RNF213: variants seen among roughly 807,000 people sequenced by gnomAD.
RNF213 encodes E3 ubiquitin-protein ligase RNF213.
Under a neutral mutation model 514.4 loss-of-function variants are expected in RNF213, and 341 were observed. The observed-to-expected ratio is 0.66, with a 90% CI of 0.61 to 0.73. The LOEUF is 0.73. Among genes scored for constraint, RNF213 ranks in the 30% least tolerant of loss-of-function variants. The pLI is 0.00. For synonymous variants in RNF213, 2,655 were observed against 2,658.2 expected (o/e 1.00, Z 0.04); for missense variants, 5,767 against 6,615.6 (o/e 0.87, Z 4.45).
rs186350190 is a variant in RNF213, at chr17:80,389,036, G to A, written c.15001-137G>A. 4.7e-3 allele frequency: 3,695 copies of A among 787,754 alleles called. 44 individuals are homozygous for A. Among genetic ancestry groups the A allele is most frequent in the Non-Finnish European group, 5.4e-3 (2,488 of 464,546 alleles). The allele number at this position is 787,754 out of a possible 1,614,324, so 48.8% of individuals were successfully genotyped here. ...CCTCCAGGAACTGCCTGCACACCGT[G>A]CGCCCAAGTGTCAGCTGTTAGAGAG... On this transcript the variant is annotated intron_variant, in intron 64 of 67. Coordinates refer to ENST00000582970, the MANE Select transcript of RNF213 (RefSeq NM_001256071.3).
At position 80,319,319 on chromosome 17, in the gene RNF213, A is replaced by C; in HGVS notation, c.3024+7A>C. On this transcript the variant is annotated splice_region_variant and intron_variant, in intron 17 of 67. Coordinates refer to ENST00000582970, the MANE Select transcript of RNF213 (RefSeq NM_001256071.3). Reference sequence around the variant, plus strand: ...CGTGAGCTCAGCCTGCCAGGTGAACAATCTCTCCTCCTGGGAAACGGATTC... The same window carrying C: ...CGTGAGCTCAGCCTGCCAGGTGAACCATCTCTCCTCCTGGGAAACGGATTC... 1.9e-6 allele frequency: 3 copies of C among 1,614,182 alleles called. No individual in the cohort carries two copies. The highest frequency in any genetic ancestry group is 2.5e-6 in the Non-Finnish European group (3 of 1,180,030).
At chr17:80,334,359 CT>C in intron 22 of RNF213, 89 bp downstream of exon 22, 1 of 1,372,768 alleles carries the variant, frequency 7.3e-7, no homozygotes, top group Non-Finnish European at 9.7e-7. Flanking sequence ...TTGGCAATAC[CT>C]CCCCTTGGCC....
chr17:80,383,129 C>A, intron 58 of RNF213, 59 bp downstream of exon 58: 4 of 1,223,842 alleles, frequency 3.3e-6, no homozygotes, highest in Non-Finnish European at 4.8e-6. Context: ...AGGGTCCCGG[C>A]GTCTGCTGAA....
At position 80,339,795 on chromosome 17, in the gene RNF213, G is replaced by C; in HGVS notation, c.5428G>C (p.Ala1810Pro). 1 of 1,534,734 alleles carries C rather than the reference G, an allele frequency of 6.5e-7. No individual in the cohort carries two copies. The highest frequency in any genetic ancestry group is 8.7e-7 in the Non-Finnish European group (1 of 1,144,952). ...ETLGHCLAHL[A>P]GMGGSPVERC... ...CCTTGGCCACTGTCTGGCTCACCTG[G>C]CAGGGATGGGTGGGTCTCCCGTGGA... Residue 1810 changes from alanine to proline, a missense_variant, in exon 26 of 68, where the codon GCA (alanine) becomes CCA (proline). Around this residue, in one of 13 missense-constraint regions of RNF213, gnomAD observed 1,377 missense variants for 1,635.2 expected, o/e 0.84. Coordinates refer to ENST00000582970, the MANE Select transcript of RNF213 (RefSeq NM_001256071.3).
At position 80,319,796 on chromosome 17, in the gene RNF213, A is replaced by G. The variant is rs530514700; in HGVS notation, c.3024+484A>G. 2.6e-4 allele frequency: 324 copies of G among 1,231,332 alleles called. 4 individuals are homozygous for G. In the South Asian group the frequency reaches 4.9e-3, roughly 19 times the overall value. The allele number at this position is 1,231,332 out of a possible 1,614,324, so 76.3% of individuals were successfully genotyped here. On this transcript the variant is annotated intron_variant, in intron 17 of 67. Transcript: ENST00000582970. ...GATTGTGCCCCCCTGTCTCCCAGGAACAGTCTCGCAGGCAATGCCACATGA... is the reference window on the plus strand; with the variant it reads ...GATTGTGCCCCCCTGTCTCCCAGGAGCAGTCTCGCAGGCAATGCCACATGA...
chr17:80,281,549 AC>A (rs1174581132), intron 3 of RNF213, among the ~76,000 whole-genome samples: 1 of 33,476 alleles, frequency 3.0e-5, no homozygotes, highest in Non-Finnish European at 6.3e-5. Flanking sequence ...CCACTCACAC[AC>A]CCCCCAAGAC....
In RNF213 at chr17:80,336,293, C is replaced by G; in HGVS notation, c.4442C>G (p.Pro1481Arg). The change falls in exon 23 of 68, where the codon CCC (proline) becomes CGC (arginine). Residue 1481 changes from proline to arginine, a missense_variant. Pro to Arg is a moderately radical substitution (Grantham distance 103). Coordinates refer to ENST00000582970, the MANE Select transcript of RNF213 (RefSeq NM_001256071.3). Reference protein sequence around the residue: ...GYASLLFKLDPSVDFSAFMKH... With the variant: ...GYASLLFKLDRSVDFSAFMKH... Reference sequence around the variant, plus strand: ...GCATCCCTGCTATTTAAGCTGGACCCCAGCGTGGACTTCAGTGCATTCATG... The same window carrying G: ...GCATCCCTGCTATTTAAGCTGGACCGCAGCGTGGACTTCAGTGCATTCATG... 6.5e-7 allele frequency: 1 copy of G among 1,537,204 alleles called. No homozygotes were observed. The highest frequency in any genetic ancestry group is 1.2e-5 in the South Asian group (1 of 84,056).
intron 55 of RNF213, among the ~76,000 whole-genome samples, chr17:80,380,170 T>C (rs1026361099): frequency 6.6e-6 from 1 of 152,220 alleles, no homozygotes; most frequent in Admixed American, 6.5e-5. Context: ...CATAGTCTTA[T>C]GAAATACCAG....
intron 26 of RNF213, chr17:80,340,956 C>T (rs1456031056): frequency 6.5e-6 from 1 of 152,996 alleles, no homozygotes; most frequent in Non-Finnish European, 1.5e-5. Context: ...AGGCATGCAC[C>T]AGTACACCCA....
intron 2 of RNF213, 151 bp from the exon 3 acceptor site, chr17:80,273,090 C>T (rs2043879916): frequency 4.9e-6 from 5 of 1,012,686 alleles, no homozygotes; most frequent in Non-Finnish European, 7.6e-6. Flanking sequence ...GAGCAGAACC[C>T]CTACCCTGCT....
chr17:80,376,435 TG>T lies in RNF213; in HGVS notation c.13322del (p.Gly4441GlufsTer3). 1 of 1,614,232 alleles carries T rather than the reference TG, an allele frequency of 6.2e-7. No individual in the cohort carries two copies. The highest frequency in any genetic ancestry group is 8.5e-7 in the Non-Finnish European group (1 of 1,180,044). ...CGGGGCCTAGTGACAGCAACCTTGA[TG>T]GAACGGTGACAGAAATGGCCATTCA... ...RAGPSDSNLD[G>X]TVTEMAIHAA... On this transcript the variant is annotated frameshift_variant, in exon 52 of 68. Coordinates refer to ENST00000582970, the MANE Select transcript of RNF213 (RefSeq NM_001256071.3). LOFTEE classifies it high-confidence loss of function.
intron 13 of RNF213, among the ~76,000 whole-genome samples, chr17:80,307,854 G>GTTTTTTTTTTTTTTT (rs59352873): frequency 7.7e-6 from 1 of 130,716 alleles, no homozygotes; most frequent in Non-Finnish European, 1.7e-5. Flanking sequence ...CTGGCCGTCT[G>GTTTTTTTTTTTTTTT]TTTTTTTTTT....
chr17:80,378,315 G>A (rs2079845235), intron 54 of RNF213, among the ~76,000 whole-genome samples: 1 of 152,200 alleles, frequency 6.6e-6, no homozygotes, highest in South Asian at 2.1e-4. Context: ...CCACGTGTAG[G>A]CTGTGCGCCA....
In RNF213 at chr17:80,373,119, G is replaced by A; in HGVS notation, c.12896G>A (p.Gly4299Asp). Residue 4299 changes from glycine (G) to aspartate (D), a missense_variant, in exon 49 of 68, where the codon GGC becomes GAC. Physicochemically the swap from Gly to Asp is moderately conservative, Grantham distance 94. Around this residue, in one of 13 missense-constraint regions of RNF213, gnomAD observed 1,245 missense variants for 1,339.0 expected, o/e 0.93. Transcript: ENST00000582970. ...TTCGTGCAGGGCCTCTCCAAGCCCG[G>A]CCGCCCGCACCAGTGGGTGTTTCCC... is the stretch of plus-strand genomic sequence containing the variant. Reference protein sequence around the residue: ...MEFVQGLSKPGRPHQWVFPKD... With the variant: ...MEFVQGLSKPDRPHQWVFPKD... The A allele has an allele frequency of 1.2e-6, 2 of 1,613,262 alleles. No homozygotes were observed. The highest frequency in any genetic ancestry group is 1.1e-5 in the South Asian group (1 of 91,064).
chr17:80,371,791 G>T (rs1032091358), intron 46 of RNF213, 83 bp from the exon 47 acceptor site: 8 of 748,112 alleles, frequency 1.1e-5, no homozygotes, highest in South Asian at 6.0e-5. Context: ...CAGGACAGAC[G>T]ACCGATAGAT....
chr17:80,376,061 T>G (rs1304492795), intron 51 of RNF213, among the ~76,000 whole-genome samples, 191 bp downstream of exon 51: 1 of 152,212 alleles, frequency 6.6e-6, no homozygotes, highest in Non-Finnish European at 1.5e-5. Context: ...TAATGAAAAC[T>G]AAAGCCAAGA....
At chr17:80,278,573 C>T (rs1052174110) in intron 3 of RNF213, among the ~76,000 whole-genome samples, 1 of 152,202 alleles carries the variant, frequency 6.6e-6, no homozygotes, top group Non-Finnish European at 1.5e-5. Context: ...TCTTCGTCTT[C>T]CCACACCCTC....
rs770306523 is a variant in RNF213, at chr17:80,346,418, G to A, written c.8083G>A (p.Ala2695Thr). The A allele has an allele frequency of 2.5e-6, 4 of 1,613,384 alleles. No individual in the cohort carries two copies. The highest frequency in any genetic ancestry group is 1.7e-5 in the Admixed American group (1 of 59,996). Reference sequence around the variant, plus strand: ...GCTGGCCATCGGGGTGTGTTACCATGCCTCTTTAGAAAAGAAAGACTCATA... The same window carrying A: ...GCTGGCCATCGGGGTGTGTTACCATACCTCTTTAGAAAAGAAAGACTCATA... ...LMLAIGVCYHASLEKKDSYRK... is the reference protein window; with the variant it reads ...LMLAIGVCYHTSLEKKDSYRK... Residue 2695 changes from alanine to threonine, a missense_variant, in exon 29 of 68, where the codon GCC becomes ACC. Coordinates refer to ENST00000582970, the MANE Select transcript of RNF213 (RefSeq NM_001256071.3). This position sits in a 1 kb window ranked among gnomAD's most constrained non-coding sequence, Gnocchi z 8.1.
Position 80,344,934 on chromosome 17 carries a change from AT to A in RNF213, c.6602del (p.Phe2201SerfsTer7). 1 of 1,614,152 alleles carries A rather than the reference AT, an allele frequency of 6.2e-7. No homozygotes were observed. Among genetic ancestry groups the A allele is most frequent in the Non-Finnish European group, 8.5e-7 (1 of 1,180,030 alleles). ...GGCACCCCGGAGGAATGCCTCCAGCATTTCCTGTTTCACTGCGGGGTAATAA... is the reference window on the plus strand; with the variant it reads ...GGCACCCCGGAGGAATGCCTCCAGCATTCCTGTTTCACTGCGGGGTAATAA... ...VEGTPEECLQ[H>X]FLFHCGVINP... On this transcript the variant is annotated frameshift_variant, in exon 29 of 68. Transcript: ENST00000582970. LOFTEE classifies it high-confidence loss of function.
Sources: gnomAD v4.1 joint callset for allele counts (sites outside exome capture counted in the v4.1 genomes callset) on GRCh38, gnomAD v4.1.1 for gene constraint, gnomAD v4.1.1 regional missense constraint, Gnocchi (gnomAD v3.1) non-coding constraint, MANE v1.5 for transcripts, NCBI Gene and HGNC (gene_info 2026-07-23, HGNC 2026-07-21) for gene names.